The following CPQ variants were observed in gnomAD, a reference collection of about 807,000 sequenced individuals.
CPQ encodes Ser-Met dipeptidase.
A neutral mutation model predicts 45.7 loss-of-function variants in CPQ; 37 were observed. That is an observed-to-expected ratio of 0.81 (90% CI 0.62 to 1.07). CPQ has a LOEUF of 1.07. CPQ is among the 50% of genes least tolerant of loss of function. The pLI, the probability that CPQ is intolerant of heterozygous loss-of-function variation, is 0.00. For missense variants in CPQ, 537 were observed against 572.9 expected, an observed-to-expected ratio of 0.94 and a Z score of 0.64; for synonymous variants, 186 against 205.8, an observed-to-expected ratio of 0.90 and a Z score of 0.82.
chr8:96,964,061 A>G (rs928356395), intron 4 of CPQ, among the ~76,000 whole-genome samples: 2 of 147,618 alleles, frequency 1.4e-5, no homozygotes, highest in African/African-American at 5.0e-5. Flanking sequence ...TATTCATTCT[A>G]TTGTCAGCAG....
At chr8:97,002,304 C>A (rs909594341) in intron 5 of CPQ, among the ~76,000 whole-genome samples, 28 of 151,966 alleles carry the variant, frequency 1.8e-4, no homozygotes, top group African/African-American at 6.8e-4. Flanking sequence ...CTTCTGCTAC[C>A]TTTGGGATTT....
chr8:97,053,951 C>G (rs2513338), intron 6 of CPQ, among the ~76,000 whole-genome samples: 2 of 151,544 alleles, frequency 1.3e-5, no homozygotes, highest in Non-Finnish European at 2.9e-5. Flanking sequence ...ATAGAGGAGT[C>G]AAGCATAAAC....
chr8:96,756,815 C>T (rs993615079), intron 1 of CPQ, among the ~76,000 whole-genome samples: 2 of 152,158 alleles, frequency 1.3e-5, no homozygotes, highest in African/African-American at 2.4e-5. Context: ...TGTTTCAAAG[C>T]TGTCACCCTG....
chr8:96,889,157 C>T lies in CPQ; in HGVS notation c.849+9152C>T, dbSNP rs150225151. Among the ~76,000 whole-genome samples the T allele has an allele frequency of 4.1e-4, 62 of 152,282 alleles. 1 individual carries two copies. The highest frequency in any genetic ancestry group is 1.1e-3 in the African/African-American group (44 of 41,558). On this transcript the variant is annotated intron_variant, in intron 4 of 7. Coordinates refer to ENST00000220763, the MANE Select transcript of CPQ (RefSeq NM_016134.4). ...CCAGGGCTTTGTCCTGTAGGCAGCGCGAAGGCACTGTAGAGTTTTAGCAGT... is the reference window on the plus strand; with the variant it reads ...CCAGGGCTTTGTCCTGTAGGCAGCGTGAAGGCACTGTAGAGTTTTAGCAGT...
At chr8:97,038,845 A>AAAAAAAAC in intron 6 of CPQ, among the ~76,000 whole-genome samples, 1 of 151,482 alleles carries the variant, frequency 6.6e-6, no homozygotes, top group African/African-American at 2.4e-5. Flanking sequence ...AAAAAAAAAA[A>AAAAAAAAC]AAAAGAATAA....
chr8:96,946,610 C>A (rs1398880537), intron 4 of CPQ, among the ~76,000 whole-genome samples: 1 of 134,904 alleles, frequency 7.4e-6, no homozygotes. Flanking sequence ...ACAACAGTCC[C>A]CATAATTTTC....
chr8:96,654,013 G>A (rs1051839752), intron 1 of CPQ, among the ~76,000 whole-genome samples: 7 of 152,194 alleles, frequency 4.6e-5, no homozygotes, highest in Admixed American at 1.3e-4. Flanking sequence ...TAGCTTCAGT[G>A]CCCATATCAT....
chr8:97,087,590 A>G (rs935942645), intron 7 of CPQ, among the ~76,000 whole-genome samples: 1 of 152,220 alleles, frequency 6.6e-6, no homozygotes, highest in African/African-American at 2.4e-5. Context: ...CTTTTCCATT[A>G]GGAATCCAGT....
At chr8:96,660,566 T>TC (rs1815687998) in intron 1 of CPQ, among the ~76,000 whole-genome samples, 1 of 152,086 alleles carries the variant, frequency 6.6e-6, no homozygotes, top group African/African-American at 2.4e-5. Flanking sequence ...AAAATACTGA[T>TC]TTGGGGGTCT....
At chr8:97,066,265 A>C (rs1810634992) in intron 7 of CPQ, 55 bp downstream of exon 7, 1 of 1,527,358 alleles carries the variant, frequency 6.5e-7, no homozygotes, top group Non-Finnish European at 8.9e-7. Flanking sequence ...ATTTAAAATA[A>C]AATTTCTGTT....
chr8:97,043,907 G>T (rs185769779), intron 6 of CPQ, among the ~76,000 whole-genome samples: 110 of 152,272 alleles, frequency 7.2e-4, no homozygotes, highest in Middle Eastern at 3.4e-3. Flanking sequence ...CTCTCTGGCT[G>T]CCCTTAACAT....
At chr8:96,948,354 T>C (rs1297840773) in intron 4 of CPQ, among the ~76,000 whole-genome samples, 1 of 152,134 alleles carries the variant, frequency 6.6e-6, no homozygotes, top group Non-Finnish European at 1.5e-5. Flanking sequence ...TTTTCATTTG[T>C]TTATATTGAG....
At chr8:97,087,450 A>G (rs572492707) in intron 7 of CPQ, among the ~76,000 whole-genome samples, 1 of 152,172 alleles carries the variant, frequency 6.6e-6, no homozygotes, top group African/African-American at 2.4e-5. Flanking sequence ...CAGTTCTTCC[A>G]TAGCAAGTCA....
chr8:96,720,050 A>G (rs1809741854), intron 1 of CPQ, among the ~76,000 whole-genome samples: 1 of 152,150 alleles, frequency 6.6e-6, no homozygotes, highest in South Asian at 2.1e-4. Flanking sequence ...CACAGTGTGA[A>G]TCTCTGTGCA....
chr8:96,885,605 A>G (rs1355588393), intron 4 of CPQ, among the ~76,000 whole-genome samples: 2 of 152,224 alleles, frequency 1.3e-5, no homozygotes, highest in African/African-American at 4.8e-5. Flanking sequence ...TCAGCTTTAG[A>G]AAAGTGTATA....
chr8:96,779,013 T>C (rs111750943), intron 1 of CPQ, among the ~76,000 whole-genome samples: 13,394 of 147,006 alleles, frequency 0.091, 804 homozygotes, highest in African/African-American at 0.17. Flanking sequence ...TGCAGTGAGC[T>C]GAGATTGTGC....
chr8:96,899,521 G>A (rs553505959), intron 4 of CPQ, among the ~76,000 whole-genome samples: 2 of 152,236 alleles, frequency 1.3e-5, no homozygotes, highest in South Asian at 4.1e-4. Context: ...CTCGGCTTCT[G>A]GGGAGGACTT....
intron 3 of CPQ, among the ~76,000 whole-genome samples, chr8:96,837,090 G>T (rs1335870718): frequency 1.3e-5 from 2 of 152,016 alleles, no homozygotes; most frequent in Non-Finnish European, 2.9e-5. Context: ...ATGCAGAAGG[G>T]TCATTATTAG....
rs573835487 is a variant in CPQ, at chr8:96,775,786, G to A, written c.-34-9078G>A. Among the ~76,000 whole-genome samples the A allele has an allele frequency of 1.1e-3, 169 of 152,264 alleles. 2 individuals carry two copies. Among genetic ancestry groups the A allele is most frequent in the African/African-American group, 3.9e-3 (161 of 41,566 alleles). On this transcript the variant is annotated intron_variant, in intron 1 of 7. Coordinates refer to ENST00000220763, the MANE Select transcript of CPQ (RefSeq NM_016134.4). Reference sequence around the variant, plus strand: ...CATAGCTGTCTGTCTAGTGTCCCCGGCCTCTGCCAACTAGTTACCAGTAGA... The same window carrying A: ...CATAGCTGTCTGTCTAGTGTCCCCGACCTCTGCCAACTAGTTACCAGTAGA...
Sources: gnomAD v4.1 joint callset for allele counts (sites outside exome capture counted in the v4.1 genomes callset) on GRCh38, gnomAD v4.1.1 for gene constraint, MANE v1.5 for transcripts, NCBI Gene and HGNC (gene_info 2026-07-23, HGNC 2026-07-21) for gene names.